The following DEFB121 variants were observed in gnomAD, a reference collection of about 807,000 sequenced individuals.
The protein encoded by DEFB121 is defensin beta 121.
Under a neutral mutation model 2.5 loss-of-function variants are expected in DEFB121, and 5 were observed. The ratio of observed to expected loss-of-function variants is 1.96; its 90% CI spans 1.03 to 4.13. The LOEUF (loss-of-function observed/expected upper bound fraction) is 4.13, where lower values mean the gene tolerates loss of function less well. Among genes scored for constraint, DEFB121 ranks in the 30% most tolerant of loss-of-function variants. The pLI is 0.00. For missense variants in DEFB121, 87 were observed against 85.0 expected (o/e 1.02, Z -0.09); for synonymous variants, 39 against 32.6 (o/e 1.20, Z -0.67).
At chr20:31,411,298 T>C (rs1375467100) in intron 1 of DEFB121, among the ~76,000 whole-genome samples, 1 of 152,230 alleles carries the variant, frequency 6.6e-6, no homozygotes, top group Non-Finnish European at 1.5e-5. Context: ...TCTTAACTTC[T>C]ACTGATATCC....
upstream of DEFB121, among the ~76,000 whole-genome samples, chr20:31,409,026 CA>C (rs34254956): frequency 0.047 from 6,707 of 141,216 alleles, 182 homozygotes; most frequent in Middle Eastern, 0.12. Context: ...AACTACATCT[CA>C]AAAAAAAAAA....
At chr20:31,413,819 G>A (rs1395032128), upstream of DEFB121, among the ~76,000 whole-genome samples, 56 of 152,194 alleles carry the variant, frequency 3.7e-4, no homozygotes, top group Non-Finnish European at 1.5e-5. Context: ...GACAATTGTG[G>A]GCAAGGCTGT....
At chr20:31,407,334 ATCCTAG>A (rs1460639550), upstream of DEFB121, among the ~76,000 whole-genome samples, 12 of 152,198 alleles carry the variant, frequency 7.9e-5, no homozygotes, top group African/African-American at 2.9e-4. Flanking sequence ...CCAAGGTCTC[ATCCTAG>A]GAGAACTCTA....
upstream of DEFB121, among the ~76,000 whole-genome samples, chr20:31,413,652 G>C (rs1433260153): frequency 1.3e-5 from 2 of 151,370 alleles, no homozygotes; most frequent in Admixed American, 6.6e-5. Context: ...TCTTCAACTA[G>C]CCATTATATG....
chr20:31,405,465 C>T (rs1978448029), intron 1 of DEFB121, among the ~76,000 whole-genome samples: 1 of 152,102 alleles, frequency 6.6e-6, no homozygotes, highest in African/African-American at 2.4e-5. Flanking sequence ...TCTTTGGTAC[C>T]CCCTCTGACC....
At chr20:31,410,701 A>C (rs1243006324), upstream of DEFB121, among the ~76,000 whole-genome samples, 1 of 152,128 alleles carries the variant, frequency 6.6e-6, no homozygotes, top group Non-Finnish European at 1.5e-5. Flanking sequence ...TCCTTCCAGA[A>C]GGGACTGCAG....
chr20:31,414,949 A>G (rs1024032935), upstream of DEFB121, among the ~76,000 whole-genome samples: 38 of 152,232 alleles, frequency 2.5e-4, no homozygotes, highest in African/African-American at 8.9e-4. Flanking sequence ...ACTCAGGGAC[A>G]GTGGGGAGGT....
chr20:31,414,685 T>G (rs56331764), upstream of DEFB121, among the ~76,000 whole-genome samples: 18,297 of 152,232 alleles, frequency 0.12, 1,531 homozygotes, highest in Non-Finnish European at 0.18. Flanking sequence ...ATGATGATTG[T>G]CAGGAGCTGG....
intron 1 of DEFB121, among the ~76,000 whole-genome samples, chr20:31,412,186 A>C (rs56212777): frequency 0.23 from 35,208 of 152,144 alleles, 4,865 homozygotes; most frequent in African/African-American, 0.36. Flanking sequence ...AAGAAGATGA[A>C]ACTTCAGGCC....
chr20:31,404,978 A>G lies in DEFB121; in HGVS notation c.166T>C (p.Tyr56His). 7 of 1,613,738 alleles carry G rather than the reference A, an allele frequency of 4.3e-6. No homozygotes were observed. Among genetic ancestry groups the G allele is most frequent in the Non-Finnish European group, 5.9e-6 (7 of 1,179,916 alleles). ...TEAKCCVDPK[Y>H]VPVKPKLTDT... ...GTTAATTTTGGTTTTACAGGTACAT[A>G]CTTGGGATCCACACAGCACTTAGCC... is the stretch of plus-strand genomic sequence containing the variant. Residue 56 changes from tyrosine to histidine, a missense_variant, in exon 2 of 2, where the codon TAT becomes CAT. Transcript: ENST00000376314.
exon 1 of DEFB121, chr20:31,412,810 T>A: frequency 1.9e-6 from 1 of 521,318 alleles, no homozygotes; most frequent in Non-Finnish European, 3.2e-6. Flanking sequence ...CCCAGAGGGC[T>A]CACCCAGAGT....
At chr20:31,411,567 CA>C (rs11481281) in intron 1 of DEFB121, among the ~76,000 whole-genome samples, 262 of 134,662 alleles carry the variant, frequency 1.9e-3, no homozygotes, top group Admixed American at 1.9e-3. Context: ...GAACGCAGAG[CA>C]AAAAAAAAAA....
chr20:31,418,518 T>C, the DEFB121 span, among the ~76,000 whole-genome samples: 1 of 152,124 alleles, frequency 6.6e-6, no homozygotes, highest in African/African-American at 2.4e-5. Context: ...CGCCCACCAA[T>C]GTCGTGACAG....
upstream of DEFB121, among the ~76,000 whole-genome samples, chr20:31,408,215 A>C (rs1325051458): frequency 6.6e-6 from 1 of 152,216 alleles, no homozygotes; most frequent in Non-Finnish European, 1.5e-5. Context: ...AGGCTAAGGC[A>C]GGAGGATTGC....
chr20:31,409,877 C>G (rs1978609181), upstream of DEFB121, among the ~76,000 whole-genome samples: 1 of 152,076 alleles, frequency 6.6e-6, no homozygotes, highest in South Asian at 2.1e-4. Context: ...CAAACCTAAT[C>G]TACAGTGACA....
At chr20:31,413,117 G>A (rs1231741075), upstream of DEFB121, among the ~76,000 whole-genome samples, 1 of 152,076 alleles carries the variant, frequency 6.6e-6, no homozygotes, top group African/African-American at 2.4e-5. Flanking sequence ...CTCCTCAAGG[G>A]CCTTTAACTA....
In DEFB121 at chr20:31,405,825, C is replaced by G. The variant is rs540838555; in HGVS notation, c.58+270G>C. ...TTCTCTATACTCCATACCCAAGTCT[C>G]TCTCTTTACACCCTATCCCATCCTC... On this transcript the variant is annotated intron_variant, in intron 1 of 1. Coordinates refer to ENST00000376314, the MANE Select transcript of DEFB121 (RefSeq NM_001011878.3). Among the ~76,000 whole-genome samples the G allele has an allele frequency of 3.3e-5, 5 of 152,346 alleles. 1 individual carries two copies. In the South Asian group the frequency reaches 1.0e-3, roughly 32 times the overall value.
chr20:31,415,290 C>T (rs1978775702), upstream of DEFB121, among the ~76,000 whole-genome samples: 1 of 151,604 alleles, frequency 6.6e-6, no homozygotes, highest in Non-Finnish European at 1.5e-5. Flanking sequence ...CGCTCTATCC[C>T]CCAGGCTGGA....
At chr20:31,412,860 T>C (rs899497807), upstream of DEFB121, 1 of 354,282 alleles carries the variant, frequency 2.8e-6, no homozygotes, top group Non-Finnish European at 5.5e-6. Flanking sequence ...CCAGAGTGTA[T>C]ACGATGTAAC....
Sources: gnomAD v4.1 joint callset for allele counts (sites outside exome capture counted in the v4.1 genomes callset) on GRCh38, gnomAD v4.1.1 for gene constraint, MANE v1.5 for transcripts, NCBI Gene and HGNC (gene_info 2026-07-23, HGNC 2026-07-21) for gene names.